Variants in TWF2 observed in about 807,000 individuals in gnomAD.
The protein encoded by TWF2 is twinfilin-2.
TWF2 carries 15 observed loss-of-function variants against 45.1 expected under a neutral mutation model. That is an observed-to-expected ratio of 0.33 (90% confidence interval 0.22 to 0.51). TWF2 has a LOEUF of 0.51. Ranked by LOEUF, TWF2 falls within the 20% of genes least tolerant of loss-of-function variation. The probability of loss-of-function intolerance (pLI) is 0.97; values close to 1 mark genes in which losing one functional copy is unlikely to be tolerated. For synonymous variants in TWF2, 177 were observed against 195.8 expected, an observed-to-expected ratio of 0.90 and a Z score of 0.80; for missense variants, 423 against 469.1, an observed-to-expected ratio of 0.90 and a Z score of 0.91.
intron 2 of TWF2, among the ~76,000 whole-genome samples, chr3:52,232,573 G>A (rs1699689848): frequency 1.3e-5 from 2 of 152,090 alleles, no homozygotes; most frequent in African/African-American, 4.8e-5. Flanking sequence ...ACTCCCCTCA[G>A]GACAAATGTG....
chr3:52,236,991 G>A (rs1376265214), intron 1 of TWF2, among the ~76,000 whole-genome samples: 2 of 152,100 alleles, frequency 1.3e-5, no homozygotes, highest in Admixed American at 6.5e-5. Context: ...TGTGGTGAGG[G>A]GTAAATGGGA....
At chr3:52,229,457 T>C (rs1699657224) in intron 8 of TWF2, among the ~76,000 whole-genome samples, 4 of 152,202 alleles carry the variant, frequency 2.6e-5, no homozygotes, top group Non-Finnish European at 1.5e-5. Flanking sequence ...GGACATGACA[T>C]GGTAGCCAGG....
In TWF2 at chr3:52,231,516, C is replaced by T. The variant is rs147568832; in HGVS notation, c.306G>A (p.Ala102=). 49 of 1,613,680 alleles carry T rather than the reference C, an allele frequency of 3.0e-5. No individual in the cohort carries two copies. In the African/African-American group the frequency reaches 4.1e-4, roughly 14 times the overall value. Residue 102 remains alanine, a synonymous_variant, in exon 4 of 9, where the codon GCG becomes GCA. Coordinates refer to ENST00000305533, the MANE Select transcript of TWF2 (RefSeq NM_007284.4). ...NSPVRLKMLY[A]ATRATVKKEF... ...CCTTTTTCACTGTGGCCCGCGTGGC[C>T]GCGTACAGCATCTTCAGCCGCACCT...
chr3:52,229,579 C>A, intron 8 of TWF2, 82 bp downstream of exon 8: 1 of 1,564,368 alleles, frequency 6.4e-7, no homozygotes, highest in Non-Finnish European at 8.7e-7. Flanking sequence ...CCTGCTCTGC[C>A]GTCATCTCAG....
intron 2 of TWF2, among the ~76,000 whole-genome samples, chr3:52,234,074 C>A (rs900997057): frequency 6.6e-6 from 1 of 152,042 alleles, no homozygotes; most frequent in East Asian, 1.9e-4. Context: ...CCACAGTGAC[C>A]CCTGCCCAGT....
intron 1 of TWF2, among the ~76,000 whole-genome samples, chr3:52,236,435 G>A (rs891625866): frequency 6.6e-6 from 1 of 152,162 alleles, no homozygotes; most frequent in African/African-American, 2.4e-5. Context: ...ATAAGTGGTG[G>A]ATCTACTAGT....
At position 52,229,524 on chromosome 3, in the gene TWF2, T is replaced by A. The variant is rs1205785108; in HGVS notation, c.882+137A>T. 4 of 1,432,878 alleles carry A rather than the reference T, an allele frequency of 2.8e-6. No homozygotes were observed. In the Admixed American group the frequency reaches 8.8e-5, roughly 31 times the overall value. The allele number at this position is 1,432,878 out of a possible 1,614,324, so 88.8% of individuals were successfully genotyped here. A position where few individuals can be genotyped will look rare whatever the true frequency, so the allele number is the denominator to read the frequency against. On this transcript the variant is annotated intron_variant, in intron 8 of 8. Transcript: ENST00000305533. ...GGCAGCCTTGGGCCATGCGTGTTGC[T>A]CCTTGGGCCTCAGATGCCCTATGAT...
At chr3:52,233,276 C>A (rs544754383) in intron 2 of TWF2, among the ~76,000 whole-genome samples, 2 of 152,356 alleles carry the variant, frequency 1.3e-5, no homozygotes, top group Admixed American at 1.3e-4. Flanking sequence ...GATGCCTGGA[C>A]GCCCCAACAG....
At position 52,232,083 on chromosome 3, in the gene TWF2, C is replaced by G. The variant is rs377061100; in HGVS notation, c.143G>C (p.Arg48Pro). The change falls in exon 3 of 9, where the codon CGC (arginine) becomes CCC (proline). Residue 48 changes from arginine to proline, a missense_variant. Arg to Pro is a moderately radical substitution (Grantham distance 103, BLOSUM62 -2). Coordinates refer to ENST00000305533, the MANE Select transcript of TWF2 (RefSeq NM_007284.4). ...GGCCCTGTCATAGTCCTGATCCCAG[C>G]GGCCTACTGGCTCCTGCGAGGCACC... ...VLGASQEPVG[R>P]WDQDYDRAVL... The G allele has an allele frequency of 6.2e-7, 1 of 1,612,030 alleles. No homozygotes were observed. Among genetic ancestry groups the G allele is most frequent in the Non-Finnish European group, 8.5e-7 (1 of 1,179,090 alleles).
At chr3:52,230,513 A>T (rs1271748772) in intron 6 of TWF2, among the ~76,000 whole-genome samples, 1 of 152,184 alleles carries the variant, frequency 6.6e-6, no homozygotes, top group African/African-American at 2.4e-5. Flanking sequence ...GGTCAAGGAG[A>T]CAACAGAGGG....
At chr3:52,232,383 C>T (rs181600129) in intron 2 of TWF2, among the ~76,000 whole-genome samples, 159 of 152,176 alleles carry the variant, frequency 1.0e-3, no homozygotes, top group Non-Finnish European at 1.9e-3. Flanking sequence ...CACACGTGCG[C>T]AGATCACCAA....
chr3:52,230,170 G>A (rs928489442), intron 6 of TWF2, 100 bp from the exon 7 acceptor site: 4 of 1,414,776 alleles, frequency 2.8e-6, no homozygotes, highest in East Asian at 5.0e-5. Flanking sequence ...GTGGGCAGGA[G>A]CCTGATGTGA....
intron 8 of TWF2, 60 bp from the exon 9 acceptor site, chr3:52,229,261 G>A: frequency 6.3e-7 from 1 of 1,584,388 alleles, no homozygotes; most frequent in Admixed American, 1.7e-5. Context: ...CACCACCCCT[G>A]GTAGCCCCCA....
rs762556268 is a variant in TWF2, at chr3:52,231,456, G to A, written c.366C>T (p.Phe122=). Residue 122 remains phenylalanine, a synonymous_variant, in exon 4 of 9, where the codon TTC becomes TTT. Transcript: ENST00000305533. The stretch of plus-strand genomic sequence containing the variant: ...GGCTTAGGATTACCTTCACAGTCCC[G>A]AAGAGCTCATCCTTGATGTGGCCAC... ...FGGGHIKDEL[F]GTVKDDLSFA... is the part of the protein sequence containing the mutation. 60 of 1,613,852 alleles carry A rather than the reference G, an allele frequency of 3.7e-5. No individual in the cohort carries two copies. Among genetic ancestry groups the A allele is most frequent in the African/African-American group, 6.7e-5 (5 of 74,926 alleles).
At chr3:52,235,680 G>A (rs981320666) in intron 1 of TWF2, among the ~76,000 whole-genome samples, 5 of 152,172 alleles carry the variant, frequency 3.3e-5, no homozygotes, top group South Asian at 2.1e-4. Context: ...AAATGGACAC[G>A]CATGTTTAGA....
chr3:52,234,608 G>A (rs563598366), intron 2 of TWF2, among the ~76,000 whole-genome samples: 10 of 152,136 alleles, frequency 6.6e-5, no homozygotes, highest in Non-Finnish European at 1.5e-5. Flanking sequence ...ATCTCCTTAG[G>A]TCTCCCCTCG....
At chr3:52,232,183 C>T (rs1699685181) in intron 2 of TWF2, 61 bp from the exon 3 acceptor site, 3 of 1,450,256 alleles carry the variant, frequency 2.1e-6, no homozygotes, top group East Asian at 5.1e-5. Context: ...CCGCTGCAGA[C>T]CTCCAGCCTC....
At chr3:52,235,706 A>G (rs1207136608) in intron 1 of TWF2, among the ~76,000 whole-genome samples, 1 of 152,226 alleles carries the variant, frequency 6.6e-6, no homozygotes, top group East Asian at 1.9e-4. Context: ...AAACACACAC[A>G]GAGATATAGT....
chr3:52,233,152 G>C (rs895079149), intron 2 of TWF2, among the ~76,000 whole-genome samples: 2 of 152,234 alleles, frequency 1.3e-5, no homozygotes, highest in Non-Finnish European at 2.9e-5. Flanking sequence ...CCAGACACCA[G>C]CCTGGGTATA....
Sources: allele counts gnomAD v4.1 joint callset (sites outside exome capture counted in the v4.1 genomes callset), GRCh38; gene constraint gnomAD v4.1.1; transcripts MANE v1.5; gene names NCBI Gene and HGNC (gene_info 2026-07-23, HGNC 2026-07-21).